The following NELFA variants were observed in gnomAD, a reference collection of about 807,000 sequenced individuals.
The protein encoded by NELFA is negative elongation factor A.
Under a neutral mutation model 51.8 loss-of-function variants are expected in NELFA, and 35 were observed. The ratio of observed to expected loss-of-function variants is 0.68; its 90% CI spans 0.52 to 0.90. The LOEUF (loss-of-function observed/expected upper bound fraction) is 0.90, where lower values mean the gene tolerates loss of function less well. NELFA is among the 40% of genes least tolerant of loss of function. The pLI, the probability that NELFA is intolerant of heterozygous loss-of-function variation, is 0.00. For synonymous variants in NELFA, 417 were observed against 338.4 expected (o/e 1.23, Z -2.55); for missense variants, 658 against 746.4 (o/e 0.88, Z 1.38).
At chr4:2,004,691 T>C (rs1044572378) in intron 1 of NELFA, among the ~76,000 whole-genome samples, 5 of 149,812 alleles carry the variant, frequency 3.3e-5, no homozygotes, top group African/African-American at 1.2e-4. Flanking sequence ...TTTCACCATA[T>C]TGCTCAGGCT....
At chr4:1,996,825 A>G (rs1728439304) in intron 1 of NELFA, among the ~76,000 whole-genome samples, 1 of 152,196 alleles carries the variant, frequency 6.6e-6, no homozygotes, top group Non-Finnish European at 1.5e-5. Flanking sequence ...CCAGCTACTC[A>G]GAAGGCTGAG....
At chr4:2,005,083 C>T (rs1044037290) in intron 1 of NELFA, among the ~76,000 whole-genome samples, 3 of 152,016 alleles carry the variant, frequency 2.0e-5, no homozygotes, top group African/African-American at 4.8e-5. Context: ...GCTGGGATTA[C>T]AGGTGTGAGC....
rs1274541012 is a variant in NELFA, at chr4:1,986,252, G to A, written c.765+20C>T. The A allele has an allele frequency of 2.5e-6, 4 of 1,571,848 alleles. No homozygotes were observed. Among genetic ancestry groups the A allele is most frequent in the Non-Finnish European group, 3.5e-6 (4 of 1,158,422 alleles). On this transcript the variant is annotated intron_variant, in intron 5 of 10. Transcript: ENST00000382882. ...CGCAACGGGCCCCGGGGTGCCACAG[G>A]AGCTGGGGGACGGGCCTACCTTCAC... is the stretch of plus-strand genomic sequence containing the variant.
At chr4:1,999,662 C>T (rs921702189) in intron 1 of NELFA, among the ~76,000 whole-genome samples, 11 of 152,086 alleles carry the variant, frequency 7.2e-5, no homozygotes, top group East Asian at 1.9e-4. Flanking sequence ...AGACCTACAA[C>T]GAGACTTAGA....
rs546789428 is a variant in NELFA, at chr4:1,990,713, A to G, written c.382+831T>C. 1.3e-3 allele frequency among the ~76,000 whole-genome samples: 205 copies of G among 152,384 alleles called. 2 individuals carry two copies. Among genetic ancestry groups the G allele is most frequent in the Middle Eastern group, 6.8e-3 (2 of 294 alleles). On this transcript the variant is annotated intron_variant, in intron 2 of 10. Transcript: ENST00000382882. ...CACAACGTTTGGGCTCTGAGGAGCCAGTTCCAATTGTCCAAAGCAGGAGAG... is the reference window on the plus strand; with the variant it reads ...CACAACGTTTGGGCTCTGAGGAGCCGGTTCCAATTGTCCAAAGCAGGAGAG...
intron 2 of NELFA, 166 bp from the exon 3 acceptor site, chr4:1,990,035 G>A: frequency 1.4e-6 from 1 of 699,174 alleles, no homozygotes; most frequent in Non-Finnish European, 2.3e-6. Context: ...GGCTCCAGCA[G>A]AACACCCAGG....
chr4:2,005,262 C>T lies in NELFA; in HGVS notation c.210+3488G>A, dbSNP rs146225582. 3.0e-4 allele frequency among the ~76,000 whole-genome samples: 45 copies of T among 151,402 alleles called. 1 individual carries two copies. In the East Asian group the frequency reaches 8.7e-3, roughly 29 times the overall value. ...ACATTCCGAGTTCTCCCTGTGTGAT[C>T]GGAGGTAAGACAATGAGCTGGAGGG... On this transcript the variant is annotated intron_variant, in intron 1 of 10. Coordinates refer to ENST00000382882, the MANE Select transcript of NELFA (RefSeq NM_005663.5).
chr4:2,008,708 G>C, intron 1 of NELFA, 42 bp downstream of exon 1: 2 of 1,569,522 alleles, frequency 1.3e-6, no homozygotes, highest in Non-Finnish European at 1.7e-6. Flanking sequence ...GAGGTGGGAA[G>C]GTTGGGAATC....
At chr4:2,008,190 G>A in intron 1 of NELFA, 1 of 376,776 alleles carries the variant, frequency 2.7e-6, no homozygotes. Context: ...GGGAAACCCC[G>A]ATGGGAGACC....
intron 8 of NELFA, among the ~76,000 whole-genome samples, chr4:1,984,500 G>A (rs1265940492): frequency 3.3e-5 from 5 of 152,112 alleles, no homozygotes; most frequent in East Asian, 1.9e-4. Context: ...CTCCCCTCCC[G>A]CCTACCCAGC....
chr4:1,989,285 A>G lies in NELFA; in HGVS notation c.544+423T>C, dbSNP rs941236650. 1.3e-5 allele frequency among the ~76,000 whole-genome samples: 2 copies of G among 152,110 alleles called. No homozygotes were observed. Among genetic ancestry groups the G allele is most frequent in the South Asian group, 2.1e-4 (1 of 4,818 alleles). On this transcript the variant is annotated intron_variant, in intron 3 of 10. Coordinates refer to ENST00000382882, the MANE Select transcript of NELFA (RefSeq NM_005663.5). The surrounding 1 kb of genome is among the most constrained non-coding windows in gnomAD (Gnocchi z 4.8). ...TTTAAAGCATGTTTTCAGAACATAA[A>G]GTTTAATATAGTGATAAACTTCTAA...
chr4:1,986,683 G>A, intron 4 of NELFA: 1 of 409,928 alleles, frequency 2.4e-6, no homozygotes, highest in Non-Finnish European at 4.5e-6. Flanking sequence ...GTGTGGCGGG[G>A]GCTGAGCTCT....
At chr4:2,007,136 G>C in intron 1 of NELFA, 1 of 435,054 alleles carries the variant, frequency 2.3e-6, no homozygotes, top group Non-Finnish European at 4.7e-6. Flanking sequence ...GAGGTGAGGA[G>C]GTCAAGGCTG....
At chr4:1,985,181 A>C (rs527954815) in intron 7 of NELFA, among the ~76,000 whole-genome samples, 1 of 152,304 alleles carries the variant, frequency 6.6e-6, no homozygotes, top group African/African-American at 2.4e-5. Context: ...TTGAGCACAG[A>C]AGGAGCGATG....
chr4:2,003,037 G>A (rs776767498), intron 1 of NELFA, among the ~76,000 whole-genome samples: 3 of 152,098 alleles, frequency 2.0e-5, no homozygotes, highest in Non-Finnish European at 2.9e-5. Context: ...ATATTTGTAA[G>A]AGAAAAACAA....
chr4:2,001,889 C>T (rs1344301896), intron 1 of NELFA, among the ~76,000 whole-genome samples: 2 of 145,758 alleles, frequency 1.4e-5, no homozygotes, highest in Non-Finnish European at 3.0e-5. Context: ...GCCGACAGAG[C>T]GAGACTCTGT....
intron 2 of NELFA, among the ~76,000 whole-genome samples, chr4:1,991,233 C>T (rs1218342021): frequency 6.6e-6 from 1 of 152,182 alleles, no homozygotes; most frequent in Non-Finnish European, 1.5e-5. Context: ...CTACAGATAC[C>T]ACCTGAATGG....
intron 2 of NELFA, among the ~76,000 whole-genome samples, chr4:1,991,317 G>A (rs1401024230): frequency 1.3e-5 from 2 of 152,214 alleles, no homozygotes; most frequent in East Asian, 3.9e-4. Flanking sequence ...CACTGACACC[G>A]CAGCAGTGAG....
chr4:1,986,204 C>T (rs1215188855), intron 5 of NELFA, 21 bp from the exon 6 acceptor site: 2 of 1,560,610 alleles, frequency 1.3e-6, no homozygotes, highest in Non-Finnish European at 1.7e-6. Flanking sequence ...AAGCACAGCC[C>T]TGCCTTAGTG....
Sources: allele counts gnomAD v4.1 joint callset (sites outside exome capture counted in the v4.1 genomes callset), GRCh38; gene constraint gnomAD v4.1.1; non-coding constraint Gnocchi (gnomAD v3.1); transcripts MANE v1.5; gene names NCBI Gene and HGNC (gene_info 2026-07-23, HGNC 2026-07-21).